ENTREP2: variants seen among roughly 807,000 people sequenced by gnomAD.
ENTREP2 encodes protein ENTREP2.
At chr15:29,246,335 T>G in the ENTREP2 span, among the ~76,000 whole-genome samples, 3 of 142,132 alleles carry the variant, frequency 2.1e-5, no homozygotes, top group Middle Eastern at 3.9e-3. Flanking sequence ...GAGGCTGCAG[T>G]GAGCCGTGAT....
the ENTREP2 span, among the ~76,000 whole-genome samples, chr15:29,216,380 T>G: frequency 2.9e-4 from 44 of 152,228 alleles, no homozygotes; most frequent in African/African-American, 1.0e-3. Flanking sequence ...CTAGTGCTTC[T>G]GTGTCACAGC....
the ENTREP2 span, among the ~76,000 whole-genome samples, chr15:29,305,573 AGAGG>A: frequency 1.3e-5 from 2 of 152,140 alleles, no homozygotes; most frequent in Non-Finnish European, 2.9e-5. Flanking sequence ...CACTTTGCTG[AGAGG>A]GAGAGGAAGA....
chr15:29,420,297 G>T, the ENTREP2 span, among the ~76,000 whole-genome samples: 1 of 152,186 alleles, frequency 6.6e-6, no homozygotes, highest in African/African-American at 2.4e-5. Flanking sequence ...GTCCCTCACA[G>T]TATGACATCC....
chr15:29,224,430 A>C, the ENTREP2 span, among the ~76,000 whole-genome samples: 33 of 151,970 alleles, frequency 2.2e-4, no homozygotes, highest in African/African-American at 7.5e-4. Flanking sequence ...GCCCGCTTTT[A>C]GTCTTATTTG....
the ENTREP2 span, among the ~76,000 whole-genome samples, chr15:29,184,709 C>T: frequency 9.9e-5 from 15 of 152,136 alleles, no homozygotes; most frequent in Admixed American, 5.2e-4. Context: ...GAAACCAGCC[C>T]GGGACCAGCG....
the ENTREP2 span, among the ~76,000 whole-genome samples, chr15:29,424,087 T>C: frequency 6.6e-6 from 1 of 152,172 alleles, no homozygotes; most frequent in Non-Finnish European, 1.5e-5. Context: ...ACTTTTTCCT[T>C]CCCACGGGTT....
chr15:29,537,995 G>C, the ENTREP2 span, among the ~76,000 whole-genome samples: 1 of 152,020 alleles, frequency 6.6e-6, no homozygotes. Flanking sequence ...TTCTACAAAG[G>C]GGCCTTCCCA....
chr15:29,388,880 T>G, the ENTREP2 span, among the ~76,000 whole-genome samples: 6 of 144,514 alleles, frequency 4.2e-5, no homozygotes, highest in Admixed American at 4.4e-4. Flanking sequence ...AACCAAACAC[T>G]GCATGTTCTC....
the ENTREP2 span, among the ~76,000 whole-genome samples, chr15:29,298,180 A>C: frequency 3.6e-4 from 38 of 105,144 alleles, no homozygotes; most frequent in African/African-American, 9.5e-4. Context: ...AGAAATAATC[A>C]ATATTAGAAA....
At chr15:29,471,951 G>A in the ENTREP2 span, among the ~76,000 whole-genome samples, 3 of 152,304 alleles carry the variant, frequency 2.0e-5, no homozygotes, top group East Asian at 5.8e-4. Flanking sequence ...AATGCTGACA[G>A]TGGTCACCCA....
At chr15:29,208,524 T>G in the ENTREP2 span, among the ~76,000 whole-genome samples, 1 of 152,260 alleles carries the variant, frequency 6.6e-6, no homozygotes, top group African/African-American at 2.4e-5. Flanking sequence ...CAGCTGAGGT[T>G]TGAGGGAGGC....
chr15:29,430,748 G>C, the ENTREP2 span, among the ~76,000 whole-genome samples: 1 of 152,118 alleles, frequency 6.6e-6, no homozygotes, highest in Non-Finnish European at 1.5e-5. Flanking sequence ...CCATCACTCG[G>C]TAAAACAAGG....
At chr15:29,127,378 G>C in the ENTREP2 span, among the ~76,000 whole-genome samples, 1 of 152,118 alleles carries the variant, frequency 6.6e-6, no homozygotes, top group Admixed American at 6.5e-5. Flanking sequence ...CAGAAGCCTG[G>C]ACTCCTCCAG....
chr15:29,149,307 T>C, the ENTREP2 span, among the ~76,000 whole-genome samples: 1 of 152,238 alleles, frequency 6.6e-6, no homozygotes, highest in Non-Finnish European at 1.5e-5. Flanking sequence ...CAGAAACAAT[T>C]ATCTTTCTGC....
the ENTREP2 span, among the ~76,000 whole-genome samples, chr15:29,511,495 A>AT: frequency 2.5e-4 from 36 of 146,174 alleles, no homozygotes; most frequent in South Asian, 6.5e-4. Flanking sequence ...TGTCCAGCTG[A>AT]TTTTTTTTTT....
chr15:29,570,636 G>C, the ENTREP2 span: 1 of 1,402,648 alleles, frequency 7.1e-7, no homozygotes, highest in Non-Finnish European at 9.3e-7. Context: ...AGCACGATGC[G>C]GGAGCGGCCC....
chr15:29,375,851 G>A, the ENTREP2 span: 1 of 152,116 alleles, frequency 6.6e-6, no homozygotes, highest in Non-Finnish European at 1.5e-5. Context: ...GGCTCACCGA[G>A]ATCTTTGGTG....
chr15:29,337,539 GAAACACAC>G, the ENTREP2 span, among the ~76,000 whole-genome samples: 2 of 152,254 alleles, frequency 1.3e-5, no homozygotes, highest in South Asian at 2.1e-4. Context: ...TACAGAAAGG[GAAACACAC>G]AAACTGCAAG....
At chr15:29,179,573 C>T in the ENTREP2 span, among the ~76,000 whole-genome samples, 2 of 148,776 alleles carry the variant, frequency 1.3e-5, no homozygotes, top group Non-Finnish European at 3.0e-5. Context: ...GGATCAGGGC[C>T]GGAGTCGTCT....
Sources: gnomAD v4.1 joint callset for allele counts (sites outside exome capture counted in the v4.1 genomes callset) on GRCh38, gnomAD v4.1.1 for gene constraint, MANE v1.5 for transcripts, NCBI Gene and HGNC (gene_info 2026-07-23, HGNC 2026-07-21) for gene names.